Variants in SLC35A3 observed in about 807,000 individuals in gnomAD.
SLC35A3 encodes solute carrier family 35 member A3.
Under a neutral mutation model 39.0 loss-of-function variants are expected in SLC35A3, and 26 were observed. The observed-to-expected ratio is 0.67, with a 90% CI of 0.49 to 0.92. The LOEUF is 0.92. SLC35A3 is among the 40% of genes least tolerant of loss of function. The pLI, the probability that SLC35A3 is intolerant of heterozygous loss-of-function variation, is 0.00. For missense variants in SLC35A3, 299 were observed against 371.6 expected (o/e 0.80, Z 1.61); for synonymous variants, 135 against 133.1 (o/e 1.01, Z -0.10).
At chr1:99,971,326 A>T (rs1407532591) in intron 1 of SLC35A3, among the ~76,000 whole-genome samples, 93 of 141,290 alleles carry the variant, frequency 6.6e-4, no homozygotes, top group Admixed American at 4.9e-3. Flanking sequence ...TTTTTTTTTT[A>T]GACGGAGTCT....
At chr1:99,984,522 C>A (rs1657636272) in intron 1 of SLC35A3, among the ~76,000 whole-genome samples, 2 of 152,202 alleles carry the variant, frequency 1.3e-5, no homozygotes, top group Admixed American at 1.3e-4. Flanking sequence ...TTCATAATTG[C>A]AAATTGTGCT....
intron 1 of SLC35A3, among the ~76,000 whole-genome samples, chr1:99,971,228 A>C (rs1312553241): frequency 7.9e-5 from 12 of 152,074 alleles, no homozygotes; most frequent in Non-Finnish European, 1.5e-5. Context: ...GCATTTAATA[A>C]ATTTTATATT....
At chr1:100,019,086 C>T (rs189841915) in intron 7 of SLC35A3, among the ~76,000 whole-genome samples, 15 of 151,226 alleles carry the variant, frequency 9.9e-5, no homozygotes, top group African/African-American at 3.4e-4. Flanking sequence ...ATGAGGAAAT[C>T]GTATGCTTTA....
At chr1:99,972,404 C>T (rs536149359) in intron 1 of SLC35A3, among the ~76,000 whole-genome samples, 11 of 148,392 alleles carry the variant, frequency 7.4e-5, no homozygotes, top group African/African-American at 2.3e-4. Context: ...GTGACCCTCT[C>T]GCCTCACTGC....
rs1659622235 is a variant in SLC35A3, at chr1:100,011,376, T to G, written c.477T>G (p.Asp159Glu). The change falls in exon 5 of 8, where the codon GAT becomes GAG. Residue 159 changes from aspartate (D) to glutamate (E), a missense_variant. Transcript: ENST00000533028. ...TTCTTCTTATTTAGTGGCCCTCAGA[T>G]TCTCAGCTTGATTCTAAGGAACTTT... The part of the protein sequence containing the change: ...TGVAFVQWPS[D>E]SQLDSKELSA... 1 of 1,516,766 alleles carries G rather than the reference T, an allele frequency of 6.6e-7. No homozygotes were observed. The highest frequency in any genetic ancestry group is 1.3e-5 in the South Asian group (1 of 75,502). 94.0% of individuals were successfully genotyped at this position (1,516,766 alleles called of 1,614,324 possible).
chr1:100,022,590 C>G lies in SLC35A3; in HGVS notation c.*114C>G. 2.0e-6 allele frequency: 1 copy of G among 501,118 alleles called. No individual in the cohort carries two copies. Among genetic ancestry groups the G allele is most frequent in the Non-Finnish European group, 3.6e-6 (1 of 279,970 alleles). The allele number at this position is 501,118 out of a possible 1,614,324, so 31.0% of individuals were successfully genotyped here. ...AAGATATCATCATGCTGAATCTGATCATACTGTTTTTTAAAAGTTTAAGGA... is the reference window on the plus strand; with the variant it reads ...AAGATATCATCATGCTGAATCTGATGATACTGTTTTTTAAAAGTTTAAGGA... On this transcript the variant is annotated 3_prime_UTR_variant, in exon 8 of 8. Coordinates refer to ENST00000533028, the MANE Select transcript of SLC35A3 (RefSeq NM_012243.3).
At chr1:100,020,037 A>G (rs937686704) in intron 7 of SLC35A3, among the ~76,000 whole-genome samples, 1 of 152,196 alleles carries the variant, frequency 6.6e-6, no homozygotes, top group Non-Finnish European at 1.5e-5. Context: ...TCTTGTCTTC[A>G]AGGTCATCAA....
chr1:99,986,200 T>C (rs1005546150), intron 1 of SLC35A3, among the ~76,000 whole-genome samples: 4 of 151,190 alleles, frequency 2.6e-5, no homozygotes, highest in African/African-American at 7.3e-5. Flanking sequence ...GGTCTCACTC[T>C]GTTGCTCGGG....
Position 100,029,113 on chromosome 1 carries a change from G to T in SLC35A3, c.*6637G>T, listed in dbSNP as rs1245967041. ...GAGGCTCTATTAGTTGGCATGGTTG[G>T]TTGATTTTTTTGCCCATGTAGTTGT... On this transcript the variant is annotated 3_prime_UTR_variant, in exon 8 of 8. Transcript: ENST00000533028. 1 of 152,230 alleles carries T rather than the reference G, an allele frequency of 6.6e-6. No individual in the cohort carries two copies. Among genetic ancestry groups the T allele is most frequent in the Non-Finnish European group, 1.5e-5 (1 of 68,070 alleles). 9.4% of individuals were successfully genotyped at this position (152,230 alleles called of 1,614,324 possible).
At chr1:100,001,085 A>T in intron 3 of SLC35A3, among the ~76,000 whole-genome samples, 1 of 152,096 alleles carries the variant, frequency 6.6e-6, no homozygotes, top group East Asian at 1.9e-4. Flanking sequence ...TATTAAACAA[A>T]TTCCATGCTA....
In SLC35A3 at chr1:100,023,630, A is replaced by G. The variant is rs1660698031; in HGVS notation, c.*1154A>G. ...CCAAGGCTGCTCGGAAGATTTTTTTAGGTCTCTCATAAGCCTATTCTTCCC... is the reference window on the plus strand; with the variant it reads ...CCAAGGCTGCTCGGAAGATTTTTTTGGGTCTCTCATAAGCCTATTCTTCCC... On this transcript the variant is annotated 3_prime_UTR_variant, in exon 8 of 8. Coordinates refer to ENST00000533028, the MANE Select transcript of SLC35A3 (RefSeq NM_012243.3). 6.6e-6 allele frequency: 1 copy of G among 152,212 alleles called. No homozygotes were observed. Among genetic ancestry groups the G allele is most frequent in the East Asian group, 1.9e-4 (1 of 5,198 alleles). 9.4% of individuals were successfully genotyped at this position (152,212 alleles called of 1,614,324 possible). A position where few individuals can be genotyped will look rare whatever the true frequency, so the allele number is the denominator to read the frequency against.
chr1:99,986,207 C>T (rs1163700872), intron 1 of SLC35A3, among the ~76,000 whole-genome samples: 4 of 146,564 alleles, frequency 2.7e-5, no homozygotes, highest in South Asian at 4.3e-4. Context: ...CTCTGTTGCT[C>T]GGGCTGGAGT....
intron 2 of SLC35A3, among the ~76,000 whole-genome samples, chr1:99,994,451 A>C (rs1363458081): frequency 1.3e-5 from 2 of 152,100 alleles, no homozygotes; most frequent in Non-Finnish European, 2.9e-5. Flanking sequence ...AATAACCCCC[A>C]TTCTCCCTTA....
intron 1 of SLC35A3, among the ~76,000 whole-genome samples, chr1:99,977,522 A>G (rs1268085549): frequency 1.3e-5 from 2 of 148,846 alleles, no homozygotes; most frequent in Non-Finnish European, 1.5e-5. Context: ...AGCTTGGGCG[A>G]CAAGAGTGAA....
intron 2 of SLC35A3, among the ~76,000 whole-genome samples, chr1:99,995,160 CTTTT>C (rs869144452): frequency 5.2e-4 from 38 of 73,156 alleles, no homozygotes; most frequent in African/African-American, 1.7e-3. Flanking sequence ...TTCTTTCTTT[CTTTT>C]TTTTTCGAGA....
At chr1:100,021,411 T>A (rs1234411256) in intron 7 of SLC35A3, among the ~76,000 whole-genome samples, 1 of 152,020 alleles carries the variant, frequency 6.6e-6, no homozygotes, top group East Asian at 1.9e-4. Flanking sequence ...TCACAGTGGC[T>A]CATGCCTGTA....
chr1:99,973,271 A>ACAT (rs1656921855), intron 1 of SLC35A3, among the ~76,000 whole-genome samples: 1 of 152,218 alleles, frequency 6.6e-6, no homozygotes, highest in East Asian at 1.9e-4. Flanking sequence ...AATAGCTTGA[A>ACAT]CATCATCACA....
At position 100,025,497 on chromosome 1, in the gene SLC35A3, A is replaced by G. The variant is rs1660860174; in HGVS notation, c.*3021A>G. 6.6e-6 allele frequency: 1 copy of G among 152,268 alleles called. No homozygotes were observed. Among genetic ancestry groups the G allele is most frequent in the South Asian group, 2.1e-4 (1 of 4,836 alleles). The allele number at this position is 152,268 out of a possible 1,614,324, so 9.4% of individuals were successfully genotyped here. On this transcript the variant is annotated 3_prime_UTR_variant, in exon 8 of 8. Coordinates refer to ENST00000533028, the MANE Select transcript of SLC35A3 (RefSeq NM_012243.3). ...ATTGTAAAAATGGACAAAGTAGTCA[A>G]ATATATTTTCAAAGCACAATTTTAT...
Position 100,012,154 on chromosome 1 carries a change from C to T in SLC35A3, c.634+621C>T, listed in dbSNP as rs569796812. Among the ~76,000 whole-genome samples, 16 of 152,006 alleles carry T rather than the reference C, an allele frequency of 1.1e-4. No homozygotes were observed. In the South Asian group the frequency reaches 2.3e-3, roughly 22 times the overall value. On this transcript the variant is annotated intron_variant, in intron 5 of 7. Transcript: ENST00000533028. ...AAAAAATTAGCCAGGCATGGTGGCG[C>T]GCACCTGTAATCCCAGCTAATCTGG...
Sources: gnomAD v4.1 joint callset for allele counts (sites outside exome capture counted in the v4.1 genomes callset) on GRCh38, gnomAD v4.1.1 for gene constraint, MANE v1.5 for transcripts, NCBI Gene and HGNC (gene_info 2026-07-23, HGNC 2026-07-21) for gene names.